The following TEK variants were observed in gnomAD, a reference collection of about 807,000 sequenced individuals.
TEK encodes the protein TEK receptor tyrosine kinase, also known as angiopoietin-1 receptor.
In TEK, 43 loss-of-function variants were observed where a neutral mutation model predicts 131.8. The ratio of observed to expected loss-of-function variants is 0.33; its 90% CI spans 0.26 to 0.42. The LOEUF is 0.42. TEK is among the 10% of genes least tolerant of loss of function. The pLI is 1.00. For missense variants in TEK, 1,162 were observed against 1,384.4 expected (o/e 0.84, Z 2.55); for synonymous variants, 580 against 491.6 (o/e 1.18, Z -2.38).
chr9:27,134,985 G>T (rs527616649), intron 1 of TEK, among the ~76,000 whole-genome samples: 2 of 152,262 alleles, frequency 1.3e-5, no homozygotes, highest in Non-Finnish European at 2.9e-5. Flanking sequence ...AGCACTTTCG[G>T]AGGCTGAGGC....
intron 1 of TEK, among the ~76,000 whole-genome samples, chr9:27,110,584 G>A (rs1821301115): frequency 6.6e-6 from 1 of 152,052 alleles, no homozygotes; most frequent in Non-Finnish European, 1.5e-5. Context: ...ATGAATTTGG[G>A]AAAATTCACT....
At chr9:27,159,474 G>A (rs1378928105) in intron 2 of TEK, among the ~76,000 whole-genome samples, 9 of 152,160 alleles carry the variant, frequency 5.9e-5, no homozygotes, top group East Asian at 3.9e-4. Flanking sequence ...GGCCCTCTTT[G>A]CAGGCTACCA....
intron 7 of TEK, among the ~76,000 whole-genome samples, chr9:27,181,498 A>G (rs1255701099): frequency 1.3e-5 from 2 of 152,196 alleles, no homozygotes; most frequent in Non-Finnish European, 2.9e-5. Flanking sequence ...AGATTGTATA[A>G]TACGTCGTCA....
intron 20 of TEK, among the ~76,000 whole-genome samples, chr9:27,219,701 G>C (rs1045494607): frequency 2.0e-5 from 3 of 151,526 alleles, no homozygotes; most frequent in African/African-American, 7.3e-5. Flanking sequence ...TAAAATATGA[G>C]TTATAAAACT....
At chr9:27,137,547 ATAAGT>A (rs1322408718) in intron 1 of TEK, among the ~76,000 whole-genome samples, 1 of 152,146 alleles carries the variant, frequency 6.6e-6, no homozygotes, top group African/African-American at 2.4e-5. Context: ...TTTTGGTGAG[ATAAGT>A]TAGGCTTTTT....
At chr9:27,213,396 T>C (rs1021528005) in intron 17 of TEK, 88 bp from the exon 18 acceptor site, 1 of 941,288 alleles carries the variant, frequency 1.1e-6, no homozygotes, top group Admixed American at 1.8e-5. Context: ...TCCTTTTTTA[T>C]ACTATTGTTT....
intron 9 of TEK, among the ~76,000 whole-genome samples, chr9:27,188,720 T>G (rs1387626486): frequency 6.6e-6 from 1 of 152,190 alleles, no homozygotes; most frequent in Non-Finnish European, 1.5e-5. Context: ...GAATTTACTT[T>G]AGGCCTATTA....
chr9:27,227,488 G>T (rs1444486638), intron 21 of TEK, among the ~76,000 whole-genome samples: 1 of 152,144 alleles, frequency 6.6e-6, no homozygotes, highest in Non-Finnish European at 1.5e-5. Context: ...CAACAGAGAT[G>T]TATTTCTCAC....
intron 1 of TEK, among the ~76,000 whole-genome samples, chr9:27,120,261 A>G (rs1252170105): frequency 6.6e-6 from 1 of 152,194 alleles, no homozygotes; most frequent in Non-Finnish European, 1.5e-5. Context: ...GTTTCCAAAC[A>G]TTCATGTTCA....
intron 1 of TEK, among the ~76,000 whole-genome samples, chr9:27,131,280 G>A (rs1353820128): frequency 2.6e-5 from 4 of 152,032 alleles, no homozygotes; most frequent in East Asian, 3.9e-4. Flanking sequence ...TCAGGAGTTC[G>A]AGACCAGCCT....
intron 21 of TEK, among the ~76,000 whole-genome samples, chr9:27,222,824 C>G (rs1826140944): frequency 6.6e-6 from 1 of 152,054 alleles, no homozygotes; most frequent in Admixed American, 6.6e-5. Context: ...AAATAACCAG[C>G]TAGTGCAGCA....
intron 4 of TEK, among the ~76,000 whole-genome samples, chr9:27,172,360 T>G (rs1291745071): frequency 1.3e-5 from 2 of 152,200 alleles, no homozygotes; most frequent in Non-Finnish European, 2.9e-5. Context: ...GCATACCATA[T>G]CCTCTGGGAA....
At chr9:27,199,548 G>A (rs556914021) in intron 12 of TEK, among the ~76,000 whole-genome samples, 1 of 152,184 alleles carries the variant, frequency 6.6e-6, no homozygotes, top group East Asian at 1.9e-4. Flanking sequence ...TTTTTACTTT[G>A]CGTATCTCAA....
At position 27,212,863 on chromosome 9, in the gene TEK, T is replaced by G. The variant is rs559941890; in HGVS notation, c.2843T>G (p.Val948Gly). Residue 948 changes from valine (V) to glycine (G), a missense_variant, in exon 17 of 23, where the codon GTG (valine) becomes GGG (glycine). Physicochemically the swap from Val to Gly is moderately radical, Grantham distance 109. This residue lies in a region of TEK where 107 missense variants were observed against 173.9 expected (regional missense o/e 0.62). Coordinates refer to ENST00000380036, the MANE Select transcript of TEK (RefSeq NM_000459.5). ...CAGCTCCTTCACTTCGCTGCCGACG[T>G]GGCCCGGGGCATGGACTACTTGAGC... ...SQQLLHFAAD[V>G]ARGMDYLSQK... The G allele has an allele frequency of 6.2e-7, 1 of 1,614,096 alleles. No homozygotes were observed. The highest frequency in any genetic ancestry group is 2.2e-5 in the East Asian group (1 of 44,860).
At chr9:27,137,141 C>A (rs1181971646) in intron 1 of TEK, among the ~76,000 whole-genome samples, 2 of 152,106 alleles carry the variant, frequency 1.3e-5, no homozygotes, top group African/African-American at 4.8e-5. Flanking sequence ...TGGTGTCGAT[C>A]TCTTAACCTC....
chr9:27,120,983 C>T (rs1821760625), intron 1 of TEK, among the ~76,000 whole-genome samples: 1 of 152,192 alleles, frequency 6.6e-6, no homozygotes, highest in African/African-American at 2.4e-5. Flanking sequence ...TCAGTATTTC[C>T]AGTACCTGAC....
chr9:27,221,454 T>G, intron 21 of TEK, among the ~76,000 whole-genome samples: 1 of 117,270 alleles, frequency 8.5e-6, no homozygotes, highest in African/African-American at 2.7e-5. Flanking sequence ...TGTGGGTCCC[T>G]GACCCGACCC....
chr9:27,191,704 T>C (rs1042343627), intron 10 of TEK, among the ~76,000 whole-genome samples: 1 of 152,194 alleles, frequency 6.6e-6, no homozygotes, highest in African/African-American at 2.4e-5. Context: ...TTGTAGATTC[T>C]ATCAAAATTC....
intron 2 of TEK, among the ~76,000 whole-genome samples, chr9:27,159,370 G>A (rs1031020633): frequency 1.3e-5 from 2 of 152,128 alleles, no homozygotes; most frequent in African/African-American, 4.8e-5. Flanking sequence ...ATCAACCTAA[G>A]CCAGTTAAGT....
Sources: gnomAD v4.1 joint callset for allele counts (sites outside exome capture counted in the v4.1 genomes callset) on GRCh38, gnomAD v4.1.1 for gene constraint, gnomAD v4.1.1 regional missense constraint, MANE v1.5 for transcripts, NCBI Gene and HGNC (gene_info 2026-07-23, HGNC 2026-07-21) for gene names.